DLEU7: variants seen among roughly 807,000 people sequenced by gnomAD.
DLEU7 encodes the protein leukemia-associated protein 7.
In DLEU7, 17 loss-of-function variants were observed where a neutral mutation model predicts 16.0. That is an observed-to-expected ratio of 1.06 (90% CI 0.73 to 1.59). The LOEUF (loss-of-function observed/expected upper bound fraction) is 1.59. Ranked by LOEUF, DLEU7 falls within the 40% of genes most tolerant of loss-of-function variation. The pLI is 0.00. For synonymous variants in DLEU7, 113 were observed against 139.8 expected, an observed-to-expected ratio of 0.81 and a Z score of 1.35; for missense variants, 308 against 314.9, an observed-to-expected ratio of 0.98 and a Z score of 0.17.
intron 1 of DLEU7, among the ~76,000 whole-genome samples, chr13:50,745,967 T>A (rs1874379810): frequency 6.6e-6 from 1 of 152,206 alleles, no homozygotes; most frequent in South Asian, 2.1e-4. Context: ...AAAACCATGA[T>A]GAAGCCAACT....
intron 1 of DLEU7, among the ~76,000 whole-genome samples, chr13:50,803,020 C>T (rs554697393): frequency 5.3e-5 from 8 of 152,152 alleles, no homozygotes; most frequent in African/African-American, 1.7e-4. Flanking sequence ...CTATTGATAA[C>T]GTTTAGGCAG....
intron 1 of DLEU7, among the ~76,000 whole-genome samples, chr13:50,746,956 C>T (rs201884600): frequency 5.4e-5 from 2 of 36,924 alleles, no homozygotes; most frequent in Non-Finnish European, 1.4e-4. Flanking sequence ...GTGGAACGTA[C>T]ACACACACAC....
chr13:50,779,263 C>T (rs76231865), intron 1 of DLEU7, among the ~76,000 whole-genome samples: 4,727 of 152,284 alleles, frequency 0.031, 101 homozygotes, highest in Non-Finnish European at 0.049. Context: ...CATTTCCAAA[C>T]TTACGTTCCA....
intron 1 of DLEU7, among the ~76,000 whole-genome samples, chr13:50,724,580 G>A (rs932884101): frequency 3.3e-5 from 5 of 152,142 alleles, no homozygotes; most frequent in Admixed American, 2.6e-4. Flanking sequence ...TGAATTAGAG[G>A]GAAAGTTGGG....
At chr13:50,816,727 C>A (rs971604606) in intron 1 of DLEU7, among the ~76,000 whole-genome samples, 2 of 152,076 alleles carry the variant, frequency 1.3e-5, no homozygotes, top group African/African-American at 2.4e-5. Flanking sequence ...TTCATATGGG[C>A]AAATCAACAA....
intron 1 of DLEU7, among the ~76,000 whole-genome samples, chr13:50,744,853 A>G (rs572832993): frequency 6.6e-6 from 1 of 152,314 alleles, no homozygotes; most frequent in Admixed American, 6.5e-5. Flanking sequence ...GGAAATGCAG[A>G]TCAAAACAAC....
downstream of DLEU7, among the ~76,000 whole-genome samples, chr13:50,818,797 C>A (rs1876808070): frequency 6.6e-6 from 1 of 152,084 alleles, no homozygotes; most frequent in Non-Finnish European, 1.5e-5. Context: ...TGACTGTGGG[C>A]CCGTCACTGT....
At chr13:50,810,062 A>G (rs1315842216) in intron 1 of DLEU7, among the ~76,000 whole-genome samples, 1 of 149,758 alleles carries the variant, frequency 6.7e-6, no homozygotes, top group Non-Finnish European at 1.5e-5. Context: ...TCTGCTTCAT[A>G]TTTTAAGAGG....
At chr13:50,819,287 G>A (rs182037465), downstream of DLEU7, among the ~76,000 whole-genome samples, 2 of 152,208 alleles carry the variant, frequency 1.3e-5, no homozygotes, top group African/African-American at 2.4e-5. Flanking sequence ...AGGATTAATC[G>A]TTGTCATATT....
chr13:50,767,447 C>T (rs1250764017), intron 1 of DLEU7, among the ~76,000 whole-genome samples: 1 of 109,732 alleles, frequency 9.1e-6, no homozygotes, highest in African/African-American at 3.9e-5. Context: ...CAGAGCGAGA[C>T]TCCGTCTCAA....
chr13:50,779,126 C>A (rs1875584101), intron 1 of DLEU7, among the ~76,000 whole-genome samples: 1 of 152,158 alleles, frequency 6.6e-6, no homozygotes, highest in Admixed American at 6.5e-5. Context: ...CAGCAAAAAA[C>A]ACAGCACGTT....
intron 1 of DLEU7, among the ~76,000 whole-genome samples, chr13:50,756,051 T>A (rs2408159): frequency 0.033 from 5,000 of 152,188 alleles, 169 homozygotes; most frequent in African/African-American, 0.089. Context: ...CTGCACAGAG[T>A]CCTGTGATGT....
chr13:50,727,004 C>T (rs1873778820), intron 1 of DLEU7, among the ~76,000 whole-genome samples: 1 of 152,140 alleles, frequency 6.6e-6, no homozygotes, highest in African/African-American at 2.4e-5. Flanking sequence ...ATGTTTTAAG[C>T]ACTGCACATA....
At chr13:50,731,634 A>G (rs1350337872) in intron 1 of DLEU7, among the ~76,000 whole-genome samples, 3 of 152,202 alleles carry the variant, frequency 2.0e-5, no homozygotes, top group Admixed American at 2.0e-4. Flanking sequence ...AGGCAAGTCT[A>G]CAATTCAATG....
intron 1 of DLEU7, among the ~76,000 whole-genome samples, chr13:50,740,695 A>G (rs1300348229): frequency 1.3e-5 from 2 of 152,322 alleles, no homozygotes; most frequent in East Asian, 1.9e-4. Flanking sequence ...ATAGAAACAT[A>G]TAAATTTACA....
Position 50,726,320 on chromosome 13 carries a change from A to C in DLEU7, c.460-13080T>G, listed in dbSNP as rs894711483. Among the ~76,000 whole-genome samples, 10 of 140,502 alleles carry C rather than the reference A, an allele frequency of 7.1e-5. No individual in the cohort carries two copies. Among genetic ancestry groups the C allele is most frequent in the Admixed American group, 2.2e-4 (3 of 13,742 alleles). The allele number at this position is 140,502 out of a possible 152,430, so 92.2% of individuals were successfully genotyped here. A position where few individuals can be genotyped will look rare whatever the true frequency, so the allele number is the denominator to read the frequency against. On this transcript the variant is annotated intron_variant, in intron 1 of 1. Coordinates refer to the DLEU7 transcript ENST00000400393. This position sits in a 1 kb window ranked among gnomAD's most constrained non-coding sequence, Gnocchi z 4.0. Reference sequence around the variant, plus strand: ...TTCTGTTTTTCTAGCTCCCCCACCCACCCCTCCTCAGCTGACAGTTTACTT... The same window carrying C: ...TTCTGTTTTTCTAGCTCCCCCACCCCCCCCTCCTCAGCTGACAGTTTACTT...
At chr13:50,796,968 C>T (rs1876125055) in intron 1 of DLEU7, among the ~76,000 whole-genome samples, 1 of 152,094 alleles carries the variant, frequency 6.6e-6, no homozygotes, top group Non-Finnish European at 1.5e-5. Context: ...ATGCAGTTAA[C>T]ACACTCTAAC....
rs75969623 is a variant in DLEU7 at position 50,782,456 on chromosome 13, A to G, written c.459+60732T>C. 5.6e-3 allele frequency among the ~76,000 whole-genome samples: 853 copies of G among 152,294 alleles called. 45 individuals are homozygous for G. In the South Asian group the frequency reaches 0.12, roughly 21 times the overall value. ...GCCATAACCAAAACTTTAGTCATCT[A>G]TGAATTCTCCCTCACTCTCAACCTC... On this transcript the variant is annotated intron_variant, in intron 1 of 1. Transcript: ENST00000400393.
intron 1 of DLEU7, among the ~76,000 whole-genome samples, chr13:50,838,623 T>C (rs1051512618): frequency 6.6e-5 from 10 of 152,236 alleles, no homozygotes; most frequent in African/African-American, 2.4e-4. Context: ...TAGTGCTTTC[T>C]GTCACTATAT....
Sources: allele counts gnomAD v4.1 joint callset (sites outside exome capture counted in the v4.1 genomes callset), GRCh38; gene constraint gnomAD v4.1.1; non-coding constraint Gnocchi (gnomAD v3.1); transcripts MANE v1.5; gene names NCBI Gene and HGNC (gene_info 2026-07-23, HGNC 2026-07-21).